The following ASAH1 variants were observed in gnomAD, a reference collection of about 807,000 sequenced individuals.
ASAH1 encodes acid ceramidase.
ASAH1 carries 70 observed loss-of-function variants against 59.5 expected under a neutral mutation model. The ratio of observed to expected loss-of-function variants is 1.18; its 90% CI spans 0.97 to 1.43. The LOEUF (loss-of-function observed/expected upper bound fraction) is 1.43. Among genes scored for constraint, ASAH1 ranks in the 40% most tolerant of loss-of-function variants. ASAH1 has a pLI of 0.00. For missense variants in ASAH1, 660 were observed against 482.5 expected, an observed-to-expected ratio of 1.37 and a Z score of -3.45; for synonymous variants, 213 against 166.5, an observed-to-expected ratio of 1.28 and a Z score of -2.15.
chr8:18,057,409 TA>T lies in ASAH1; in HGVS notation c.*124del. On this transcript the variant is annotated 3_prime_UTR_variant, in exon 14 of 14. Transcript: ENST00000637790. The stretch of plus-strand genomic sequence containing the variant: ...TGTCAACAGATGGACGAAGACAAGC[TA>T]TTGACTCAAAGAGAACCTGCCGCGA... The T allele has an allele frequency of 1.5e-6, 1 of 654,348 alleles. No individual in the cohort carries two copies. The highest frequency in any genetic ancestry group is 2.2e-5 in the Admixed American group (1 of 46,412). The allele number at this position is 654,348 out of a possible 1,614,324, so 40.5% of individuals were successfully genotyped here. A position where few individuals can be genotyped will look rare whatever the true frequency, so the allele number is the denominator to read the frequency against.
At chr8:18,079,222 G>A (rs781346943) in intron 1 of ASAH1, among the ~76,000 whole-genome samples, 2 of 145,118 alleles carry the variant, frequency 1.4e-5, no homozygotes, top group Non-Finnish European at 1.5e-5. Flanking sequence ...GCAGTGAGAC[G>A]AGATAGTGTG....
Position 18,057,444 on chromosome 8 carries a change from C to G in ASAH1, c.*90G>C. On this transcript the variant is annotated 3_prime_UTR_variant, in exon 14 of 14. Coordinates refer to ENST00000637790, the MANE Select transcript of ASAH1 (RefSeq NM_177924.5). Reference sequence around the variant, plus strand: ...AAGAGAACCTGCCGCGAGTCTTAGTCTTTGGAAGGTCAGACAGCTGCAGTG... The same window carrying G: ...AAGAGAACCTGCCGCGAGTCTTAGTGTTTGGAAGGTCAGACAGCTGCAGTG... 9.6e-7 allele frequency: 1 copy of G among 1,036,660 alleles called. No individual in the cohort carries two copies. Among genetic ancestry groups the G allele is most frequent in the Middle Eastern group, 2.2e-4 (1 of 4,526 alleles). 64.2% of individuals were successfully genotyped at this position (1,036,660 alleles called of 1,614,324 possible).
chr8:18,084,954 T>G (rs1800838860), upstream of ASAH1: 1 of 1,140,414 alleles, frequency 8.8e-7, no homozygotes, highest in East Asian at 2.7e-5. Context: ...GTGACCGGGT[T>G]GGATTTCAAA....
intron 5 of ASAH1, chr8:18,065,576 G>A (rs778037956): frequency 5.7e-4 from 87 of 152,146 alleles, no homozygotes; most frequent in Non-Finnish European, 5.3e-4. Flanking sequence ...AGCTTAAATT[G>A]AAATTTTAAA....
intron 3 of ASAH1, 115 bp from the exon 4 acceptor site, chr8:18,069,993 T>TA: frequency 1.5e-6 from 1 of 685,442 alleles, no homozygotes; most frequent in South Asian, 1.7e-5. Flanking sequence ...TATATATATA[T>TA]TTTTTAAAAC....
At chr8:18,070,021 C>T (rs1488121339) in intron 3 of ASAH1, 143 bp from the exon 4 acceptor site, 7 of 554,646 alleles carry the variant, frequency 1.3e-5, no homozygotes, top group South Asian at 1.0e-4. Context: ...CGCTCTGTCA[C>T]CCAGGCTGGA....
intron 12 of ASAH1, 115 bp from the exon 13 acceptor site, chr8:18,059,006 C>A: frequency 1.1e-6 from 1 of 939,682 alleles, no homozygotes; most frequent in Non-Finnish European, 1.7e-6. Context: ...TCCCCTCCAT[C>A]CCCGCAGTGG....
rs1302699584 is a variant in ASAH1, at chr8:18,057,423, G to C, written c.*111C>G. On this transcript the variant is annotated 3_prime_UTR_variant, in exon 14 of 14. Coordinates refer to ENST00000637790, the MANE Select transcript of ASAH1 (RefSeq NM_177924.5). ...CGAAGACAAGCTATTGACTCAAAGA[G>C]AACCTGCCGCGAGTCTTAGTCTTTG... 4 of 768,164 alleles carry C rather than the reference G, an allele frequency of 5.2e-6. No individual in the cohort carries two copies. The highest frequency in any genetic ancestry group is 2.1e-5 in the Admixed American group (1 of 48,574). The allele number at this position is 768,164 out of a possible 1,614,324, so 47.6% of individuals were successfully genotyped here.
At chr8:18,072,440 G>A (rs1176631794) in intron 2 of ASAH1, among the ~76,000 whole-genome samples, 7 of 152,126 alleles carry the variant, frequency 4.6e-5, no homozygotes, top group Admixed American at 1.3e-4. Context: ...GTAACTTGGG[G>A]CCCTGGTATA....
In ASAH1 at chr8:18,073,570, G is replaced by A. The variant is rs1222632666; in HGVS notation, c.125+1971C>T. On this transcript the variant is annotated intron_variant, in intron 2 of 13. Transcript: ENST00000637790. ...GCAGTGGGAAAGAAATGCTGAATGG[G>A]ACTCAGATGGACTCAGGGGTGATCT... is the stretch of plus-strand genomic sequence containing the variant. Among the ~76,000 whole-genome samples, 40 of 152,188 alleles carry A rather than the reference G, an allele frequency of 2.6e-4. 1 individual carries two copies. The highest frequency in any genetic ancestry group is 2.6e-3 in the Admixed American group (40 of 15,274).
At chr8:18,075,720 T>TA in intron 1 of ASAH1, 133 bp from the exon 2 acceptor site, 1 of 764,604 alleles carries the variant, frequency 1.3e-6, no homozygotes, top group Non-Finnish European at 2.2e-6. Context: ...CAATGCCTCT[T>TA]AAAATAAGTC....
chr8:18,064,328 TA>T (rs2096865467), intron 6 of ASAH1, 128 bp downstream of exon 6: 6 of 751,500 alleles, frequency 8.0e-6, no homozygotes, highest in Non-Finnish European at 1.3e-5. Context: ...TACCAAGAAA[TA>T]AAAAGCTGTA....
chr8:18,075,772 T>C (rs1238070047), intron 1 of ASAH1, 185 bp from the exon 2 acceptor site: 12 of 612,540 alleles, frequency 2.0e-5, no homozygotes, highest in Non-Finnish European at 3.4e-5. Flanking sequence ...AACCATTAAG[T>C]GGATTTTCAG....
intron 4 of ASAH1, 83 bp downstream of exon 4, chr8:18,069,709 A>T: frequency 1.0e-5 from 10 of 976,942 alleles, no homozygotes; most frequent in Non-Finnish European, 1.6e-5. Flanking sequence ...CCCTGCGAAG[A>T]GGTTGCTGAA....
At chr8:18,072,853 C>T (rs572658185) in intron 2 of ASAH1, among the ~76,000 whole-genome samples, 2 of 152,294 alleles carry the variant, frequency 1.3e-5, no homozygotes, top group South Asian at 4.1e-4. Context: ...AGATATGCAT[C>T]TCATCCCTAT....
At chr8:18,080,557 T>C (rs1401762486) in intron 1 of ASAH1, among the ~76,000 whole-genome samples, 2 of 152,110 alleles carry the variant, frequency 1.3e-5, no homozygotes, top group Non-Finnish European at 1.5e-5. Context: ...TACTCTCCTA[T>C]TTTTTTGTTT....
chr8:18,058,949 A>G (rs1242827633), intron 12 of ASAH1, 58 bp from the exon 13 acceptor site: 2 of 1,442,564 alleles, frequency 1.4e-6, no homozygotes, highest in South Asian at 1.1e-5. Context: ...CAACAGCCTT[A>G]TCTACACACA....
intron 1 of ASAH1, 61 bp downstream of exon 1, chr8:18,083,920 C>A (rs1200813439): frequency 6.4e-6 from 10 of 1,556,162 alleles, no homozygotes; most frequent in South Asian, 1.2e-5. Flanking sequence ...GCCACACCTG[C>A]GCCTCCATCC....
chr8:18,075,740 C>T (rs1800378048), intron 1 of ASAH1, 153 bp from the exon 2 acceptor site: 1 of 681,928 alleles, frequency 1.5e-6, no homozygotes, highest in Admixed American at 2.7e-5. Context: ...CTTTTCTTTC[C>T]AAGAAAACTT....
Sources: gnomAD v4.1 joint callset for allele counts (sites outside exome capture counted in the v4.1 genomes callset) on GRCh38, gnomAD v4.1.1 for gene constraint, MANE v1.5 for transcripts, NCBI Gene and HGNC (gene_info 2026-07-23, HGNC 2026-07-21) for gene names.